MCF2L2: variants seen among roughly 807,000 people sequenced by gnomAD.
MCF2L2 encodes the protein probable guanine nucleotide exchange factor MCF2L2.
Under a neutral mutation model 150.2 loss-of-function variants are expected in MCF2L2, and 102 were observed. That is an observed-to-expected ratio of 0.68 (90% CI 0.58 to 0.80). The LOEUF is 0.80. Ranked by LOEUF, MCF2L2 falls within the 30% of genes least tolerant of loss-of-function variation. MCF2L2 has a pLI of 0.00. For missense variants in MCF2L2, 1,256 were observed against 1,372.8 expected, an observed-to-expected ratio of 0.91 and a Z score of 1.34; for synonymous variants, 465 against 491.3, an observed-to-expected ratio of 0.95 and a Z score of 0.71.
intron 18 of MCF2L2, chr3:183,225,157 A>G (rs1414790587): frequency 6.6e-6 from 1 of 152,188 alleles, no homozygotes; most frequent in Non-Finnish European, 1.5e-5. Context: ...TGCCTGTTCT[A>G]CTCCCAAATA....
At chr3:183,295,582 C>A (rs978719758) in intron 12 of MCF2L2, 105 bp from the exon 13 acceptor site, 1 of 1,132,706 alleles carries the variant, frequency 8.8e-7, no homozygotes. Context: ...CCCATCCCTA[C>A]CTCCCTCAGG....
At chr3:183,318,786 A>C (rs1016310303) in intron 6 of MCF2L2, among the ~76,000 whole-genome samples, 2 of 148,110 alleles carry the variant, frequency 1.4e-5, no homozygotes, top group African/African-American at 5.1e-5. Flanking sequence ...GTAGTCTATT[A>C]AGTGTGCAAT....
chr3:183,302,915 C>T (rs1320294446), intron 10 of MCF2L2, among the ~76,000 whole-genome samples: 1 of 151,244 alleles, frequency 6.6e-6, no homozygotes, highest in African/African-American at 2.4e-5. Flanking sequence ...TCCCTCCTGG[C>T]TGGGCGCGGT....
intron 27 of MCF2L2, among the ~76,000 whole-genome samples, chr3:183,190,951 T>C (rs1337893844): frequency 1.3e-5 from 2 of 152,216 alleles, no homozygotes; most frequent in Admixed American, 6.5e-5. Context: ...AATGGCGCGA[T>C]CTTGACTCAC....
intron 1 of MCF2L2, among the ~76,000 whole-genome samples, chr3:183,412,977 A>T (rs1018192096): frequency 2.0e-5 from 3 of 152,198 alleles, no homozygotes; most frequent in Admixed American, 1.3e-4. Flanking sequence ...CTCTACTGAG[A>T]TGCTTATGTG....
intron 2 of MCF2L2, among the ~76,000 whole-genome samples, chr3:183,389,182 G>A (rs1426989000): frequency 1.7e-4 from 26 of 152,244 alleles, no homozygotes; most frequent in Admixed American, 1.4e-3. Flanking sequence ...TTGTGTCTAG[G>A]CTCAAAAAAT....
rs138389648 is a variant in MCF2L2 at position 183,266,855 on chromosome 3, C to T, written c.1862+10017G>A. On this transcript the variant is annotated intron_variant, in intron 15 of 29. Coordinates refer to ENST00000328913, the MANE Select transcript of MCF2L2 (RefSeq NM_015078.4). ...AGGCTGGAGTGCAGTGGCACGATCT[C>T]GGCTCATTGCAACCTCCACCTTCCT... is the stretch of plus-strand genomic sequence containing the variant. Among the ~76,000 whole-genome samples the T allele has an allele frequency of 8.2e-4, 124 of 151,478 alleles. 2 individuals carry two copies. The highest frequency in any genetic ancestry group is 2.9e-3 in the African/African-American group (121 of 41,216).
Position 183,309,850 on chromosome 3 carries a change from A to G in MCF2L2, c.994-15T>C, listed in dbSNP as rs1182751959. On this transcript the variant is annotated splice_polypyrimidine_tract_variant and intron_variant, in intron 9 of 29. Coordinates refer to ENST00000328913, the MANE Select transcript of MCF2L2 (RefSeq NM_015078.4). Reference sequence around the variant, plus strand: ...GCAAGCTTAGCCTACAAGAAACATTAGAACAGTCCAGAAGTAAACCAACAC... The same window carrying G: ...GCAAGCTTAGCCTACAAGAAACATTGGAACAGTCCAGAAGTAAACCAACAC... 2 of 1,612,928 alleles carry G rather than the reference A, an allele frequency of 1.2e-6. No individual in the cohort carries two copies. Among genetic ancestry groups the G allele is most frequent in the Non-Finnish European group, 1.7e-6 (2 of 1,179,988 alleles).
At chr3:183,332,947 A>T (rs10937124) in intron 5 of MCF2L2, among the ~76,000 whole-genome samples, 7,645 of 152,308 alleles carry the variant, frequency 0.05, 214 homozygotes, top group East Asian at 0.12. Context: ...CAAAACAAGG[A>T]AAATAAGAGT....
rs777792288 is a variant in MCF2L2, at chr3:183,276,875, C to CG, written c.1858dup (p.Arg620ProfsTer7). ...ACCCACGGATGTGCAGTCTTACCTG[C>CG]GGGGGGAAAGGTCTCCGAGCCTGGC... On this transcript the variant is annotated frameshift_variant, in exon 15 of 30. Transcript: ENST00000328913. LOFTEE classifies it high-confidence loss of function. The CG allele has an allele frequency of 1.9e-6, 3 of 1,606,414 alleles. No individual in the cohort carries two copies. Among genetic ancestry groups the CG allele is most frequent in the South Asian group, 2.2e-5 (2 of 89,582 alleles).
intron 14 of MCF2L2, among the ~76,000 whole-genome samples, chr3:183,277,422 A>T (rs1727224172): frequency 6.6e-6 from 1 of 151,556 alleles, no homozygotes. Flanking sequence ...ATTGATTCAT[A>T]AGAGGACAGT....
At chr3:183,230,906 C>A (rs1215675777) in intron 16 of MCF2L2, 45 bp downstream of exon 16, 2 of 1,411,222 alleles carry the variant, frequency 1.4e-6, no homozygotes, top group African/African-American at 1.4e-5. Context: ...AAAACATCTG[C>A]AGTTTGAATA....
intron 7 of MCF2L2, among the ~76,000 whole-genome samples, chr3:183,314,021 CT>C (rs1313407265): frequency 6.6e-6 from 1 of 152,200 alleles, no homozygotes; most frequent in Non-Finnish European, 1.5e-5. Context: ...TGAGTCCTGT[CT>C]GCTTGTCTCA....
intron 3 of MCF2L2, among the ~76,000 whole-genome samples, chr3:183,356,823 G>T (rs1257769529): frequency 6.6e-6 from 1 of 152,084 alleles, no homozygotes; most frequent in East Asian, 1.9e-4. Context: ...TAGAAACAAT[G>T]AAAACAACTA....
chr3:183,328,149 G>A (rs922682328), intron 5 of MCF2L2, among the ~76,000 whole-genome samples: 1 of 152,306 alleles, frequency 6.6e-6, no homozygotes, highest in East Asian at 1.9e-4. Context: ...GTCCTGGAAG[G>A]GTGGTATGCT....
intron 5 of MCF2L2, among the ~76,000 whole-genome samples, chr3:183,329,618 T>A (rs888959816): frequency 6.6e-6 from 1 of 152,270 alleles, no homozygotes; most frequent in Non-Finnish European, 1.5e-5. Flanking sequence ...ACTATGGGCA[T>A]ACCCAGCAAC....
intron 1 of MCF2L2, among the ~76,000 whole-genome samples, chr3:183,402,663 C>T (rs1714833670): frequency 6.6e-6 from 1 of 151,242 alleles, no homozygotes; most frequent in Non-Finnish European, 1.5e-5. Flanking sequence ...AAAACAAATG[C>T]TTGAAAAAGA....
intron 15 of MCF2L2, among the ~76,000 whole-genome samples, chr3:183,261,757 A>G (rs1239539116): frequency 1.3e-5 from 2 of 151,912 alleles, no homozygotes; most frequent in Non-Finnish European, 2.9e-5. Context: ...GTTTTCTTCT[A>G]ATCTGTTAGT....
rs1728766948 is a variant in MCF2L2 at position 183,300,182 on chromosome 3, C to T, written c.1128G>A (p.Lys376=). 2 of 1,602,096 alleles carry T rather than the reference C, an allele frequency of 1.2e-6. No homozygotes were observed. The highest frequency in any genetic ancestry group is 8.5e-7 in the Non-Finnish European group (1 of 1,177,012). ...LEEKSQEPLE[K]AQLLALVGDQ... is the part of the protein sequence containing the mutation. The stretch of plus-strand genomic sequence containing the variant: ...CCCCAACCAGTGCCAGCAGCTGGGC[C>T]TTTTCCAGGGGCTCCTGCAAAGTGA... Residue 376 remains lysine, a synonymous_variant, in exon 11 of 30, where the codon AAG becomes AAA. Transcript: ENST00000328913.
Sources: gnomAD v4.1 joint callset for allele counts (sites outside exome capture counted in the v4.1 genomes callset) on GRCh38, gnomAD v4.1.1 for gene constraint, MANE v1.5 for transcripts, NCBI Gene and HGNC (gene_info 2026-07-23, HGNC 2026-07-21) for gene names.